The following SEC24C variants were observed in gnomAD, a reference collection of about 807,000 sequenced individuals.
SEC24C encodes the protein protein transport protein Sec24C.
SEC24C carries 22 observed loss-of-function variants against 117.0 expected under a neutral mutation model. The ratio of observed to expected loss-of-function variants is 0.19; its 90% confidence interval spans 0.13 to 0.27. The LOEUF (loss-of-function observed/expected upper bound fraction) is 0.27. Among genes scored for constraint, SEC24C ranks in the 10% least tolerant of loss-of-function variants. The pLI, the probability that SEC24C is intolerant of heterozygous loss-of-function variation, is 1.00. For missense variants in SEC24C, 1,155 were observed against 1,375.1 expected (o/e 0.84, Z 2.53); for synonymous variants, 506 against 529.4 (o/e 0.96, Z 0.61).
rs560561843 is a variant in SEC24C at position 73,754,065 on chromosome 10, A to C, written c.308+2822A>C. 2.0e-5 allele frequency among the ~76,000 whole-genome samples: 3 copies of C among 152,220 alleles called. No individual in the cohort carries two copies. In the South Asian group the frequency reaches 6.2e-4, roughly 32 times the overall value. ...TAGCCCAGGGAAGCCAAAAGATTGG[A>C]CACCCCTGATTTACATTGTATTAGG... On this transcript the variant is annotated intron_variant, in intron 3 of 22. Transcript: ENST00000345254.
intron 20 of SEC24C, 54 bp from the exon 21 acceptor site, chr10:73,770,226 G>T (rs1347232761): frequency 6.6e-7 from 1 of 1,517,302 alleles, no homozygotes; most frequent in Non-Finnish European, 8.9e-7. Context: ...GGTGCGGGGG[G>T]GCAGACTTGT....
intron 6 of SEC24C, among the ~76,000 whole-genome samples, chr10:73,763,177 C>T (rs1398107542): frequency 1.3e-5 from 2 of 151,966 alleles, no homozygotes; most frequent in Non-Finnish European, 2.9e-5. Context: ...AGAGCTGGGG[C>T]TTTTCCTGGA....
At chr10:73,745,415 A>AT (rs1009327241) in intron 1 of SEC24C, among the ~76,000 whole-genome samples, 1 of 150,700 alleles carries the variant, frequency 6.6e-6, no homozygotes, top group South Asian at 2.1e-4. Context: ...GAGGTGAATG[A>AT]TTTTTTTCCA....
intron 3 of SEC24C, among the ~76,000 whole-genome samples, chr10:73,757,978 G>C (rs1040420552): frequency 1.1e-4 from 16 of 141,390 alleles, no homozygotes; most frequent in African/African-American, 4.2e-4. Flanking sequence ...GCTCACGCCT[G>C]TAATCCCAGC....
chr10:73,771,208 G>A lies in SEC24C; in HGVS notation c.*113G>A. On this transcript the variant is annotated 3_prime_UTR_variant, in exon 23 of 23. Transcript: ENST00000345254. ...TGTAAGCTGACCTCAGTCTCTCTGGGGGGAGGGGGAGATATAAGGAGACAC... is the reference window on the plus strand; with the variant it reads ...TGTAAGCTGACCTCAGTCTCTCTGGAGGGAGGGGGAGATATAAGGAGACAC... 1 of 1,246,474 alleles carries A rather than the reference G, an allele frequency of 8.0e-7. No individual in the cohort carries two copies. Among genetic ancestry groups the A allele is most frequent in the Non-Finnish European group, 1.1e-6 (1 of 892,398 alleles). The allele number at this position is 1,246,474 out of a possible 1,614,324, so 77.2% of individuals were successfully genotyped here.
chr10:73,747,269 G>T (rs2082569886), intron 2 of SEC24C, among the ~76,000 whole-genome samples: 1 of 151,998 alleles, frequency 6.6e-6, no homozygotes, highest in Non-Finnish European at 1.5e-5. Flanking sequence ...TGCAACCTCT[G>T]CCTCCTGGGC....
Position 73,760,840 on chromosome 10 carries a change from C to G in SEC24C, c.978C>G (p.Ile326Met). The G allele has an allele frequency of 6.2e-7, 1 of 1,610,654 alleles. No individual in the cohort carries two copies. ...CTAAGCGCCTGGACCCTGATGCCAT[C>G]CCAAGCCCTGTAAGTAGAAACTTTC... The part of the protein sequence containing the change: ...LPPKRLDPDA[I>M]PSPIQVIEDD... Residue 326 changes from isoleucine (I) to methionine (M), a missense_variant, in exon 6 of 23, where the codon ATC becomes ATG. Ile to Met is a conservative substitution (Grantham distance 10). Coordinates refer to ENST00000345254, the MANE Select transcript of SEC24C (RefSeq NM_198597.3).
At chr10:73,746,382 G>A (rs2082553802) in intron 1 of SEC24C, among the ~76,000 whole-genome samples, 2 of 152,298 alleles carry the variant, frequency 1.3e-5, no homozygotes, top group South Asian at 4.1e-4. Context: ...ACACTAGAGG[G>A]TACTCGATGT....
rs1404523668 is a variant in SEC24C, at chr10:73,747,949, A to G, written c.172+945A>G. ...GCTGAGATTACAGGCGTGAGCCACC[A>G]CACCTGGCCACTGTTTGTATTTTTA... On this transcript the variant is annotated intron_variant, in intron 2 of 22. Coordinates refer to ENST00000345254, the MANE Select transcript of SEC24C (RefSeq NM_198597.3). Among the ~76,000 whole-genome samples the G allele has an allele frequency of 7.2e-5, 11 of 151,744 alleles. No homozygotes were observed. In the East Asian group the frequency reaches 1.6e-3, roughly 21 times the overall value.
At position 73,746,813 on chromosome 10, in the gene SEC24C, A is replaced by C; in HGVS notation, c.-20A>C. 3 of 1,590,608 alleles carry C rather than the reference A, an allele frequency of 1.9e-6. No homozygotes were observed. Among genetic ancestry groups the C allele is most frequent in the Non-Finnish European group, 2.6e-6 (3 of 1,165,072 alleles). ...TCTCCTCTCTCTCACAGGTGAGATC[A>C]AATTGGGAATGCTTTCATAATGAAC... On this transcript the variant is annotated 5_prime_UTR_variant, in exon 2 of 23. Transcript: ENST00000345254.
At chr10:73,754,628 A>T (rs773410619) in intron 3 of SEC24C, among the ~76,000 whole-genome samples, 1 of 152,124 alleles carries the variant, frequency 6.6e-6, no homozygotes, top group Non-Finnish European at 1.5e-5. Context: ...TCAAGTAGAG[A>T]TGTTAGGTAG....
chr10:73,765,614 G>A lies in SEC24C; in HGVS notation c.1366+25G>A, dbSNP rs1186261176. ...GGTATGTTCATGGAAGCTGGGATTTGGGGGAAGGTCTTGATTGTATCTTCC... is the reference window on the plus strand; with the variant it reads ...GGTATGTTCATGGAAGCTGGGATTTAGGGGAAGGTCTTGATTGTATCTTCC... On this transcript the variant is annotated intron_variant, in intron 9 of 22. Transcript: ENST00000345254. The A allele has an allele frequency of 9.9e-6, 16 of 1,608,864 alleles. No individual in the cohort carries two copies. The Middle Eastern group carries it at 8.3e-4, about 83-fold the overall frequency.
At position 73,770,437 on chromosome 10, in the gene SEC24C, G is replaced by A. The variant is rs1335355699; in HGVS notation, c.3020G>A (p.Ser1007Asn). Residue 1007 changes from serine (S) to asparagine (N), a missense_variant, in exon 21 of 23, where the codon AGC becomes AAC. Physicochemically the swap from Ser to Asn is conservative, Grantham distance 46. Around this residue, in one of 2 missense-constraint regions of SEC24C, gnomAD observed 759 missense variants for 992.3 expected, o/e 0.76. Coordinates refer to ENST00000345254, the MANE Select transcript of SEC24C (RefSeq NM_198597.3). ...CAGGGTGTTGTCCAGAGCCTTTTCA[G>A]CGTCTCCTCCTTCAGTCAGATCACC... ...VQQGVVQSLF[S>N]VSSFSQITSG... 6.2e-7 allele frequency: 1 copy of A among 1,614,126 alleles called. No individual in the cohort carries two copies. The highest frequency in any genetic ancestry group is 8.5e-7 in the Non-Finnish European group (1 of 1,180,030).
chr10:73,770,245 C>A (rs780667869), intron 20 of SEC24C, 35 bp from the exon 21 acceptor site: 1 of 1,560,660 alleles, frequency 6.4e-7, no homozygotes, highest in South Asian at 1.2e-5. Flanking sequence ...GTCTTATGGT[C>A]CTTGGTAACC....
rs556150513 is a variant in SEC24C at position 73,766,752 on chromosome 10, C to G, written c.1800-8C>G. On this transcript the variant is annotated splice_polypyrimidine_tract_variant and splice_region_variant and intron_variant, in intron 12 of 22. Coordinates refer to ENST00000345254, the MANE Select transcript of SEC24C (RefSeq NM_198597.3). ...ATTTTGGTTGTTTTCCGTCACCTAT[C>G]TCTTTAGCTTATTGGATCAGATTCC... 1.2e-6 allele frequency: 2 copies of G among 1,612,838 alleles called. No homozygotes were observed. The highest frequency in any genetic ancestry group is 8.5e-7 in the Non-Finnish European group (1 of 1,178,902).
chr10:73,760,281 TCAC>T lies in SEC24C; in HGVS notation c.747_749del (p.Pro251del), dbSNP rs749193356. On this transcript the variant is annotated inframe_deletion, in exon 5 of 23. Coordinates refer to ENST00000345254, the MANE Select transcript of SEC24C (RefSeq NM_198597.3). ...AGTGAGCCAGCCCAACCATGTGTCT[TCAC>T]CTCCTCAAGCTCTGCCCCCTGGCAC... The T allele has an allele frequency of 1.2e-6, 2 of 1,613,900 alleles. No individual in the cohort carries two copies. Among genetic ancestry groups the T allele is most frequent in the Non-Finnish European group, 1.7e-6 (2 of 1,179,988 alleles).
In SEC24C at chr10:73,769,379, G is replaced by C. The variant is rs779204766; in HGVS notation, c.2457G>C (p.Gln819His). Residue 819 changes from glutamine (Q) to histidine (H), a missense_variant, in exon 18 of 23, where the codon CAG (glutamine) becomes CAC (histidine). Coordinates refer to ENST00000345254, the MANE Select transcript of SEC24C (RefSeq NM_198597.3). This position sits in a 1 kb window ranked among gnomAD's most constrained non-coding sequence, Gnocchi z 4.5. ...CALLYTSCAG[Q>H]RRLRIHNLAL... ...TGCTTTACACCAGCTGTGCAGGGCA[G>C]CGTCGGCTCCGCATCCATAATCTGG... 6.2e-6 allele frequency: 10 copies of C among 1,614,082 alleles called. No individual in the cohort carries two copies. The South Asian group carries it at 9.9e-5, about 16-fold the overall frequency.
chr10:73,770,765 T>C lies in SEC24C; in HGVS notation c.3111T>C (p.Asp1037=). 6.2e-7 allele frequency: 1 copy of C among 1,614,202 alleles called. No individual in the cohort carries two copies. The highest frequency in any genetic ancestry group is 8.5e-7 in the Non-Finnish European group (1 of 1,180,038). ...CCAAGAAGGTTCGAGGCCTCATTGA[T>C]AGCTTACGGGCACAGAGATCCCGGT... ...PLSKKVRGLI[D]SLRAQRSRYM... The change falls in exon 22 of 23, where the codon GAT becomes GAC. Residue 1037 remains aspartate, a synonymous_variant. Coordinates refer to ENST00000345254, the MANE Select transcript of SEC24C (RefSeq NM_198597.3).
At position 73,759,789 on chromosome 10, in the gene SEC24C, G is replaced by C. The variant is rs1407598450; in HGVS notation, c.476G>C (p.Gly159Ala). 1 of 1,578,892 alleles carries C rather than the reference G, an allele frequency of 6.3e-7. No individual in the cohort carries two copies. The highest frequency in any genetic ancestry group is 1.4e-5 in the African/African-American group (1 of 73,532). The change falls in exon 4 of 23, where the codon GGC (glycine) becomes GCC (alanine). Residue 159 changes from glycine to alanine, a missense_variant. Gly to Ala is a moderately conservative substitution (Grantham distance 60). Transcript: ENST00000345254. ...VAPAPPSSGL[G>A]FGPPTSLASA... The stretch of plus-strand genomic sequence containing the variant: ...CCAGCCCCTCCTTCTTCAGGGCTGG[G>C]CTTTGGTGAGTGGCTGTGAACACAG...
Sources: allele counts gnomAD v4.1 joint callset (sites outside exome capture counted in the v4.1 genomes callset), GRCh38; gene constraint gnomAD v4.1.1; regional missense constraint gnomAD v4.1.1; non-coding constraint Gnocchi (gnomAD v3.1); transcripts MANE v1.5; gene names NCBI Gene and HGNC (gene_info 2026-07-23, HGNC 2026-07-21).